Variants in FYCO1 observed in about 807,000 individuals in gnomAD.
The protein encoded by FYCO1 is FYVE and coiled-coil domain-containing protein 1.
In FYCO1, 122 loss-of-function variants were observed where a neutral mutation model predicts 165.1. The observed-to-expected ratio is 0.74, with a 90% CI of 0.64 to 0.86. The LOEUF (loss-of-function observed/expected upper bound fraction) is 0.86, where lower values mean the gene tolerates loss of function less well. Among genes scored for constraint, FYCO1 ranks in the 40% least tolerant of loss-of-function variants. The pLI, the probability that FYCO1 is intolerant of heterozygous loss-of-function variation, is 0.00. For synonymous variants in FYCO1, 648 were observed against 742.5 expected, an observed-to-expected ratio of 0.87 and a Z score of 2.07; for missense variants, 1,702 against 1,810.3, an observed-to-expected ratio of 0.94 and a Z score of 1.09.
chr3:45,962,422 T>C lies in FYCO1; in HGVS notation c.3270-30A>G. The C allele has an allele frequency of 1.2e-6, 2 of 1,606,866 alleles. No homozygotes were observed. Among genetic ancestry groups the C allele is most frequent in the Non-Finnish European group, 1.7e-6 (2 of 1,173,728 alleles). ...GGGAGGAGTGGTAAGTTTTCTTGAT[T>C]AGCCAGGACTTCCAGCTTTCCCAGG... On this transcript the variant is annotated intron_variant, in intron 10 of 17. Coordinates refer to ENST00000296137, the MANE Select transcript of FYCO1 (RefSeq NM_024513.4). This position sits in a 1 kb window ranked among gnomAD's most constrained non-coding sequence, Gnocchi z 4.4.
chr3:45,958,083 C>G (rs971738774), intron 13 of FYCO1, among the ~76,000 whole-genome samples: 3 of 152,186 alleles, frequency 2.0e-5, no homozygotes, highest in African/African-American at 7.2e-5. Flanking sequence ...TTGAGTTACT[C>G]TGGATGCCAA....
chr3:45,955,374 C>A lies in FYCO1; in HGVS notation c.3819G>T (p.Arg1273Ser). The A allele has an allele frequency of 6.2e-7, 1 of 1,614,160 alleles. No individual in the cohort carries two copies. Among genetic ancestry groups the A allele is most frequent in the Non-Finnish European group, 8.5e-7 (1 of 1,180,030 alleles). ...TGGQGANTDY[R>S]PPDDAVFDII... The stretch of plus-strand genomic sequence containing the variant: ...TATCAAACACAGCGTCGTCCGGTGG[C>A]CTGTAGTCTGTATTTGCTCCTGGGC... Residue 1273 changes from arginine (R) to serine (S), a missense_variant, in exon 14 of 18, where the codon AGG (arginine) becomes AGT (serine). Transcript: ENST00000296137.
chr3:45,987,746 G>A (rs1707376015), intron 1 of FYCO1, among the ~76,000 whole-genome samples: 1 of 152,210 alleles, frequency 6.6e-6, no homozygotes, highest in Non-Finnish European at 1.5e-5. Context: ...TGGAGCTTGG[G>A]AAGGAGGTGA....
In FYCO1 at chr3:45,969,534, G is replaced by A. The variant is rs553877625; in HGVS notation, c.630+141C>T. 1.5e-5 allele frequency: 10 copies of A among 676,838 alleles called. No homozygotes were observed. In the South Asian group the frequency reaches 1.6e-4, roughly 11 times the overall value. 41.9% of individuals were successfully genotyped at this position (676,838 alleles called of 1,614,324 possible). A position where few individuals can be genotyped will look rare whatever the true frequency, so the allele number is the denominator to read the frequency against. ...TTGGTTGAAAAACCCAGACTCCCGG[G>A]AACAGCAGCCATAACTGAGTGGTTC... On this transcript the variant is annotated intron_variant, in intron 7 of 17. Transcript: ENST00000296137.
At chr3:45,966,077 G>T (rs1451381631) in intron 8 of FYCO1, among the ~76,000 whole-genome samples, 200 bp downstream of exon 8, 2 of 152,224 alleles carry the variant, frequency 1.3e-5, no homozygotes, top group East Asian at 3.8e-4. Context: ...CACTCCCAAT[G>T]TTCTGCGCCT....
chr3:45,983,844 C>T (rs925053637), intron 2 of FYCO1, among the ~76,000 whole-genome samples: 1 of 152,176 alleles, frequency 6.6e-6, no homozygotes, highest in Admixed American at 6.5e-5. Context: ...ACATGAAATG[C>T]CATGAAATTG....
chr3:45,939,189 G>GTGGGGGCAT (rs1290232953), intron 14 of FYCO1, among the ~76,000 whole-genome samples: 2 of 143,396 alleles, frequency 1.4e-5, no homozygotes, highest in East Asian at 4.7e-4. Flanking sequence ...CCGTCAACTT[G>GTGGGGGCAT]TCTGTCCCTT....
intron 15 of FYCO1, among the ~76,000 whole-genome samples, chr3:45,934,539 A>T (rs1302174928): frequency 6.6e-6 from 1 of 152,276 alleles, no homozygotes; most frequent in Non-Finnish European, 1.5e-5. Flanking sequence ...TATCTGGCAA[A>T]CATCCTTTAG....
intron 3 of FYCO1, 69 bp downstream of exon 3, chr3:45,981,501 T>C (rs1707053253): frequency 1.1e-5 from 11 of 998,178 alleles, no homozygotes; most frequent in Non-Finnish European, 1.8e-5. Context: ...TCTTGAATGC[T>C]GATGAGTCAC....
intron 1 of FYCO1, among the ~76,000 whole-genome samples, chr3:45,992,476 A>T (rs146468561): frequency 6.6e-6 from 1 of 152,358 alleles, no homozygotes; most frequent in Non-Finnish European, 1.5e-5. Context: ...TTTTGGAATC[A>T]GACTAGTTAC....
At chr3:45,979,955 T>C in intron 3 of FYCO1, 125 bp from the exon 4 acceptor site, 3 of 1,185,574 alleles carry the variant, frequency 2.5e-6, no homozygotes, top group Non-Finnish European at 1.2e-6. Context: ...TTATTGGCAT[T>C]ATTTTTATTT....
At position 45,965,081 on chromosome 3, in the gene FYCO1, C is replaced by T; in HGVS notation, c.3102G>A (p.Glu1034=). ...ECKSLRGQLE[E]QGRQLQAAEE... ...CAGCAGCCTGCAGCTGCCGGCCTTG[C>T]TCCTCAAGCTGGCCCCTGAGGCTCT... Residue 1034 remains glutamate (E), a synonymous_variant, in exon 9 of 18, where the codon GAG becomes GAA. Coordinates refer to ENST00000296137, the MANE Select transcript of FYCO1 (RefSeq NM_024513.4). 6.2e-7 allele frequency: 1 copy of T among 1,614,122 alleles called. No individual in the cohort carries two copies. The highest frequency in any genetic ancestry group is 8.5e-7 in the Non-Finnish European group (1 of 1,180,004).
chr3:45,967,388 A>G lies in FYCO1; in HGVS notation c.1946T>C (p.Leu649Ser). 1 of 1,611,592 alleles carries G rather than the reference A, an allele frequency of 6.2e-7. No homozygotes were observed. Among genetic ancestry groups the G allele is most frequent in the Non-Finnish European group, 8.5e-7 (1 of 1,178,532 alleles). Reference sequence around the variant, plus strand: ...CTGGATGGCTGATTCCCGCTGCTGCAAAGCCTGGTAATCGGCCTGCAGGGC... The same window carrying G: ...CTGGATGGCTGATTCCCGCTGCTGCGAAGCCTGGTAATCGGCCTGCAGGGC... ...LQALQADYQA[L>S]QQRESAIQGS... is the part of the protein sequence containing the mutation. The change falls in exon 8 of 18, where the codon TTG (leucine) becomes TCG (serine). Residue 649 changes from leucine to serine, a missense_variant. Transcript: ENST00000296137.
chr3:45,950,037 T>A (rs1193509641), intron 14 of FYCO1, among the ~76,000 whole-genome samples: 1 of 152,134 alleles, frequency 6.6e-6, no homozygotes, highest in African/African-American at 2.4e-5. Context: ...AAGCAGAAGA[T>A]GCTGTTGGTA....
intron 12 of FYCO1, 82 bp from the exon 13 acceptor site, chr3:45,958,701 G>T (rs1191869156): frequency 1.5e-6 from 2 of 1,348,392 alleles, no homozygotes; most frequent in East Asian, 4.6e-5. Flanking sequence ...CTGGGCTCTG[G>T]ATGCCATGTG....
intron 3 of FYCO1, 123 bp from the exon 4 acceptor site, chr3:45,979,953 A>G: frequency 2.5e-6 from 3 of 1,215,024 alleles, no homozygotes; most frequent in East Asian, 2.4e-5. Context: ...CTTTATTGGC[A>G]TTATTTTTAT....
intron 1 of FYCO1, among the ~76,000 whole-genome samples, 161 bp from the exon 2 acceptor site, chr3:45,985,183 C>A (rs1254262676): frequency 1.3e-5 from 2 of 152,210 alleles, no homozygotes; most frequent in Non-Finnish European, 2.9e-5. Flanking sequence ...TGTGGGCACT[C>A]TCTGGTTTGT....
intron 1 of FYCO1, among the ~76,000 whole-genome samples, chr3:45,992,958 G>C (rs558703751): frequency 3.9e-5 from 6 of 152,110 alleles, no homozygotes; most frequent in Non-Finnish European, 5.9e-5. Flanking sequence ...TTTGGTCCAA[G>C]CTTTTCTTTT....
intron 4 of FYCO1, 45 bp from the exon 5 acceptor site, chr3:45,975,390 C>T (rs1341516183): frequency 1.4e-6 from 2 of 1,424,998 alleles, no homozygotes; most frequent in Non-Finnish European, 2.0e-6. Flanking sequence ...GTCAGCCTAA[C>T]TCCAAATACA....
Sources: allele counts gnomAD v4.1 joint callset (sites outside exome capture counted in the v4.1 genomes callset), GRCh38; gene constraint gnomAD v4.1.1; non-coding constraint Gnocchi (gnomAD v3.1); transcripts MANE v1.5; gene names NCBI Gene and HGNC (gene_info 2026-07-23, HGNC 2026-07-21).